The following EPHB1 variants were observed in gnomAD, a reference collection of about 807,000 sequenced individuals.
EPHB1 encodes the protein EPH receptor B1.
Under a neutral mutation model 94.4 loss-of-function variants are expected in EPHB1, and 30 were observed. The observed-to-expected ratio is 0.32, with a 90% CI of 0.24 to 0.43. The LOEUF (loss-of-function observed/expected upper bound fraction) is 0.43, where lower values mean the gene tolerates loss of function less well. EPHB1 is among the 20% of genes least tolerant of loss of function. The pLI is 1.00. For synonymous variants in EPHB1, 522 were observed against 489.1 expected, an observed-to-expected ratio of 1.07 and a Z score of -0.89; for missense variants, 1,055 against 1,308.3, an observed-to-expected ratio of 0.81 and a Z score of 2.99.
rs186956121 is a variant in EPHB1, at chr3:134,972,132, G to A, written c.805+20080G>A. Among the ~76,000 whole-genome samples the A allele has an allele frequency of 7.4e-4, 113 of 152,070 alleles. No homozygotes were observed. The East Asian group carries it at 0.018, about 24-fold the overall frequency. Reference sequence around the variant, plus strand: ...TGAGAATTGCCTCTCCCCTGTGTGGGCCAGTCCTCATGGCCACACCTGCCT... The same window carrying A: ...TGAGAATTGCCTCTCCCCTGTGTGGACCAGTCCTCATGGCCACACCTGCCT... On this transcript the variant is annotated intron_variant, in intron 3 of 15. Coordinates refer to ENST00000398015, the MANE Select transcript of EPHB1 (RefSeq NM_004441.5).
At chr3:135,065,289 C>T (rs887230880) in intron 3 of EPHB1, among the ~76,000 whole-genome samples, 1 of 152,138 alleles carries the variant, frequency 6.6e-6, no homozygotes, top group African/African-American at 2.4e-5. Context: ...CTGTCTAGTG[C>T]TGTCAGTGGA....
intron 1 of EPHB1, among the ~76,000 whole-genome samples, chr3:134,827,738 G>C (rs924663773): frequency 6.6e-6 from 1 of 152,134 alleles, no homozygotes; most frequent in Non-Finnish European, 1.5e-5. Context: ...GGGTGGAGGC[G>C]GCACTTTAAA....
chr3:134,819,935 G>C (rs554936453), intron 1 of EPHB1, among the ~76,000 whole-genome samples: 25 of 152,292 alleles, frequency 1.6e-4, no homozygotes, highest in Non-Finnish European at 3.1e-4. Flanking sequence ...GATTTAATCA[G>C]TGTCAGCTAA....
At chr3:134,848,966 T>C (rs1356197061) in intron 1 of EPHB1, among the ~76,000 whole-genome samples, 2 of 152,234 alleles carry the variant, frequency 1.3e-5, no homozygotes, top group Non-Finnish European at 2.9e-5. Flanking sequence ...AGTGTGGAGA[T>C]GCCAAAAGGC....
chr3:134,857,620 A>C (rs2037151913), intron 1 of EPHB1, among the ~76,000 whole-genome samples: 1 of 151,982 alleles, frequency 6.6e-6, no homozygotes, highest in African/African-American at 2.4e-5. Context: ...TACTCACGGG[A>C]ATAGAAACAA....
intron 7 of EPHB1, among the ~76,000 whole-genome samples, chr3:135,164,510 A>G (rs551763905): frequency 6.6e-6 from 1 of 152,286 alleles, no homozygotes; most frequent in African/African-American, 2.4e-5. Flanking sequence ...GGGAAACCTC[A>G]CTTTAAGAAG....
At chr3:135,192,052 C>T (rs181894797) in intron 10 of EPHB1, among the ~76,000 whole-genome samples, 196 of 152,358 alleles carry the variant, frequency 1.3e-3, no homozygotes, top group African/African-American at 4.5e-3. Context: ...AAGTGAACCT[C>T]TTCCCTTCCT....
intron 3 of EPHB1, among the ~76,000 whole-genome samples, chr3:135,022,868 T>G (rs1403311757): frequency 1.3e-5 from 2 of 152,186 alleles, no homozygotes; most frequent in Non-Finnish European, 2.9e-5. Flanking sequence ...GTGGAGTGTG[T>G]TTTCAAGTAT....
At chr3:135,166,404 T>C (rs1455006867) in intron 8 of EPHB1, among the ~76,000 whole-genome samples, 1 of 152,142 alleles carries the variant, frequency 6.6e-6, no homozygotes, top group Non-Finnish European at 1.5e-5. Flanking sequence ...AGCCTGTGCA[T>C]AACCCATCCT....
At chr3:134,832,545 A>G (rs1466299872) in intron 1 of EPHB1, among the ~76,000 whole-genome samples, 3 of 152,228 alleles carry the variant, frequency 2.0e-5, no homozygotes, top group African/African-American at 7.2e-5. Context: ...ACCCACATAC[A>G]AACTGTACCA....
chr3:134,994,939 GATACAAT>G, intron 3 of EPHB1, among the ~76,000 whole-genome samples: 1 of 151,920 alleles, frequency 6.6e-6, no homozygotes, highest in South Asian at 2.1e-4. Context: ...AATTAACTTT[GATACAAT>G]TGATTGACTT....
intron 3 of EPHB1, among the ~76,000 whole-genome samples, chr3:135,101,054 C>A (rs953858316): frequency 3.9e-5 from 6 of 152,144 alleles, no homozygotes; most frequent in Admixed American, 2.6e-4. Context: ...GAACCCCTTT[C>A]TCTTAAGGAA....
chr3:135,042,874 G>A (rs940884847), intron 3 of EPHB1, among the ~76,000 whole-genome samples: 5 of 151,702 alleles, frequency 3.3e-5, no homozygotes, highest in East Asian at 3.9e-4. Flanking sequence ...CAGAGTCTCC[G>A]TCTGTCGCCC....
chr3:135,045,848 CTT>C (rs2107768382), intron 3 of EPHB1, among the ~76,000 whole-genome samples: 1 of 152,298 alleles, frequency 6.6e-6, no homozygotes, highest in South Asian at 2.1e-4. Context: ...TAATGCAAAA[CTT>C]TCATTGACTA....
chr3:135,084,645 C>G (rs1236752095), intron 3 of EPHB1, among the ~76,000 whole-genome samples: 4 of 152,178 alleles, frequency 2.6e-5, no homozygotes. Flanking sequence ...TCATTTGCTG[C>G]AGAGCTGGCT....
At chr3:135,060,769 A>G (rs2107776573) in intron 3 of EPHB1, among the ~76,000 whole-genome samples, 1 of 152,236 alleles carries the variant, frequency 6.6e-6, no homozygotes, top group Admixed American at 6.5e-5. Context: ...CAAGCATTTC[A>G]TTTATCCTTT....
At chr3:135,157,476 C>T (rs965469220) in intron 6 of EPHB1, among the ~76,000 whole-genome samples, 1 of 152,234 alleles carries the variant, frequency 6.6e-6, no homozygotes, top group Non-Finnish European at 1.5e-5. Context: ...CCCATTCAGG[C>T]TACCTCCCTG....
chr3:135,213,383 G>A (rs1322587538), intron 12 of EPHB1, among the ~76,000 whole-genome samples: 4 of 152,178 alleles, frequency 2.6e-5, no homozygotes, highest in Non-Finnish European at 5.9e-5. Flanking sequence ...CATGGTTTAC[G>A]CAACTTTGTT....
intron 3 of EPHB1, among the ~76,000 whole-genome samples, chr3:135,072,207 C>T (rs894216380): frequency 6.6e-6 from 1 of 152,122 alleles, no homozygotes. Context: ...ATGGTGAAAC[C>T]CCATCTCTAC....
Sources: gnomAD v4.1 joint callset for allele counts (sites outside exome capture counted in the v4.1 genomes callset) on GRCh38, gnomAD v4.1.1 for gene constraint, MANE v1.5 for transcripts, NCBI Gene and HGNC (gene_info 2026-07-23, HGNC 2026-07-21) for gene names.